Variants in MIOS observed in about 807,000 individuals in gnomAD.
The protein encoded by MIOS is meiosis regulator for oocyte development.
Under a neutral mutation model 96.9 loss-of-function variants are expected in MIOS, and 52 were observed. The observed-to-expected ratio is 0.54, with a 90% CI of 0.43 to 0.68. The LOEUF is 0.68. MIOS is among the 30% of genes least tolerant of loss of function. MIOS has a pLI of 0.00. For synonymous variants in MIOS, 397 were observed against 359.5 expected, an observed-to-expected ratio of 1.10 and a Z score of -1.18; for missense variants, 1,005 against 1,052.8, an observed-to-expected ratio of 0.95 and a Z score of 0.63.
In MIOS at chr7:7,600,586, A is replaced by G. The variant is rs184109060; in HGVS notation, c.2401+4125A>G. Among the ~76,000 whole-genome samples the G allele has an allele frequency of 2.8e-3, 430 of 152,292 alleles. 2 individuals are homozygous for G. Among genetic ancestry groups the G allele is most frequent in the African/African-American group, 9.9e-3 (413 of 41,552 alleles). ...ATAAAGCAAGTCCTTAGTGACCTAC[A>G]AAGAGACTTAGACTCCCACACAATA... On this transcript the variant is annotated intron_variant, in intron 11 of 12. Transcript: ENST00000340080.
intron 11 of MIOS, among the ~76,000 whole-genome samples, chr7:7,602,312 T>C (rs1482759277): frequency 6.6e-6 from 1 of 152,230 alleles, no homozygotes; most frequent in Non-Finnish European, 1.5e-5. Context: ...CATGATTGTA[T>C]ACCTAGAAAT....
At chr7:7,604,100 A>G (rs1036819989) in intron 11 of MIOS, among the ~76,000 whole-genome samples, 5 of 151,988 alleles carry the variant, frequency 3.3e-5, no homozygotes, top group African/African-American at 9.7e-5. Context: ...GCATTAGGAG[A>G]TATACCTAAT....
chr7:7,598,916 A>G (rs1018546356), intron 11 of MIOS, among the ~76,000 whole-genome samples: 2 of 152,070 alleles, frequency 1.3e-5, no homozygotes, highest in South Asian at 2.1e-4. Flanking sequence ...ATTTTTTTCC[A>G]TATTTGCTAC....
chr7:7,578,210 G>T (rs1783598918), intron 5 of MIOS, among the ~76,000 whole-genome samples: 1 of 152,160 alleles, frequency 6.6e-6, no homozygotes, highest in African/African-American at 2.4e-5. Flanking sequence ...TGGGCTAAGT[G>T]CTTAGATCAA....
chr7:7,581,657 G>T (rs910449366), intron 5 of MIOS: 10 of 152,156 alleles, frequency 6.6e-5, no homozygotes, highest in Non-Finnish European at 1.2e-4. Flanking sequence ...CCATTTTCTT[G>T]AGGGCTAATG....
At chr7:7,583,014 G>T in intron 5 of MIOS, 104 bp from the exon 6 acceptor site, 1 of 1,240,094 alleles carries the variant, frequency 8.1e-7, no homozygotes. Flanking sequence ...TTATGGCCGA[G>T]AAGTTAAATA....
At chr7:7,579,368 C>G (rs778351497) in intron 5 of MIOS, among the ~76,000 whole-genome samples, 4 of 152,138 alleles carry the variant, frequency 2.6e-5, no homozygotes, top group Non-Finnish European at 5.9e-5. Flanking sequence ...TAGCAGTGAC[C>G]TCTTTGAATT....
chr7:7,606,387 A>G (rs1380298123), intron 12 of MIOS, among the ~76,000 whole-genome samples: 4 of 152,234 alleles, frequency 2.6e-5, no homozygotes, highest in Non-Finnish European at 2.9e-5. Context: ...GTAATTTACC[A>G]TGCAATTGAA....
At position 7,573,609 on chromosome 7, in the gene MIOS, G is replaced by A. The variant is rs370156358; in HGVS notation, c.1134G>A (p.Thr378=). ...GTGGTCGTCATTTATATGAATGTAC[G>A]GAAGAAGAAAATGATAATTCTTTAG... is the stretch of plus-strand genomic sequence containing the variant. The part of the protein sequence containing the change: ...WACGRHLYEC[T]EEENDNSLEK... The change falls in exon 4 of 13, where the codon ACG becomes ACA. Residue 378 remains threonine (T), a synonymous_variant. Transcript: ENST00000340080. The surrounding 1 kb of genome is among the most constrained non-coding windows in gnomAD (Gnocchi z 5.0). 3.3e-5 allele frequency: 54 copies of A among 1,613,856 alleles called. No homozygotes were observed. In the African/African-American group the frequency reaches 5.9e-4, roughly 18 times the overall value.
intron 5 of MIOS, among the ~76,000 whole-genome samples, chr7:7,574,820 C>G (rs1783476380): frequency 6.6e-6 from 1 of 151,734 alleles, no homozygotes; most frequent in Non-Finnish European, 1.5e-5. Flanking sequence ...ACAGTTGTTC[C>G]TATTCTTTTA....
chr7:7,587,530 C>G (rs1166158854), intron 7 of MIOS, among the ~76,000 whole-genome samples: 1 of 152,158 alleles, frequency 6.6e-6, no homozygotes, highest in Non-Finnish European at 1.5e-5. Context: ...TGACTCCTTG[C>G]TCTGCCCCAT....
At chr7:7,583,665 C>T (rs1337050962) in intron 6 of MIOS, among the ~76,000 whole-genome samples, 1 of 151,632 alleles carries the variant, frequency 6.6e-6, no homozygotes, top group African/African-American at 2.4e-5. Context: ...AGATAGTTCA[C>T]ATAACATTTT....
chr7:7,570,666 G>C (rs952106663), intron 3 of MIOS, among the ~76,000 whole-genome samples: 1 of 151,614 alleles, frequency 6.6e-6, no homozygotes, highest in African/African-American at 2.4e-5. Flanking sequence ...CAGATCATCA[G>C]GCATTAGATT....
rs1324094447 is a variant in MIOS at position 7,591,485 on chromosome 7, G to A, written c.2043+1922G>A. Among the ~76,000 whole-genome samples the A allele has an allele frequency of 2.0e-5, 3 of 151,896 alleles. No individual in the cohort carries two copies. In the East Asian group the frequency reaches 5.8e-4, roughly 29 times the overall value. ...GACAGAAATGGGGTTTCACCATGTT[G>A]CCCAGGCTGGTCTCAAACTCCTGAC... On this transcript the variant is annotated intron_variant, in intron 9 of 12. Transcript: ENST00000340080.
chr7:7,592,645 A>G (rs368388644), intron 9 of MIOS, among the ~76,000 whole-genome samples: 4 of 152,112 alleles, frequency 2.6e-5, no homozygotes, highest in East Asian at 1.9e-4. Flanking sequence ...TTGACAGATC[A>G]TCAGGCATTA....
chr7:7,606,344 G>A (rs1784530727), intron 12 of MIOS, among the ~76,000 whole-genome samples: 1 of 152,098 alleles, frequency 6.6e-6, no homozygotes, highest in South Asian at 2.1e-4. Context: ...TTCGGGGAGA[G>A]GATATGTTTA....
intron 5 of MIOS, among the ~76,000 whole-genome samples, chr7:7,574,514 T>G (rs1380241028): frequency 6.6e-6 from 1 of 152,152 alleles, no homozygotes; most frequent in Non-Finnish European, 1.5e-5. Flanking sequence ...GATTACTGAT[T>G]GTTAGTTCAG....
intron 3 of MIOS, among the ~76,000 whole-genome samples, chr7:7,568,871 C>A (rs1169515092): frequency 1.3e-5 from 2 of 152,124 alleles, no homozygotes; most frequent in Admixed American, 1.3e-4. Context: ...TTGTGGATGG[C>A]AATAGAAGTA....
chr7:7,584,518 A>G (rs1342803923), intron 6 of MIOS, among the ~76,000 whole-genome samples: 1 of 152,178 alleles, frequency 6.6e-6, no homozygotes, highest in African/African-American at 2.4e-5. Context: ...TGTTCTATAC[A>G]AAATCCAAAG....
Sources: gnomAD v4.1 joint callset for allele counts (sites outside exome capture counted in the v4.1 genomes callset) on GRCh38, gnomAD v4.1.1 for gene constraint, Gnocchi (gnomAD v3.1) non-coding constraint, MANE v1.5 for transcripts, NCBI Gene and HGNC (gene_info 2026-07-23, HGNC 2026-07-21) for gene names.